The following FLYWCH1 variants were observed in gnomAD, a reference collection of about 807,000 sequenced individuals.
FLYWCH1 encodes the protein FLYWCH-type zinc finger-containing protein 1.
In FLYWCH1, 75 loss-of-function variants were observed where a neutral mutation model predicts 66.4. The observed-to-expected ratio is 1.13, with a 90% confidence interval of 0.94 to 1.37. The LOEUF is 1.37. FLYWCH1 is among the 40% of genes most tolerant of loss of function. The probability of loss-of-function intolerance (pLI) is 0.00; values close to 1 mark genes in which losing one functional copy is unlikely to be tolerated. For synonymous variants in FLYWCH1, 595 were observed against 429.9 expected, an observed-to-expected ratio of 1.38 and a Z score of -4.75; for missense variants, 1,334 against 1,001.8, an observed-to-expected ratio of 1.33 and a Z score of -4.48.
intron 4 of FLYWCH1, among the ~76,000 whole-genome samples, chr16:2,932,820 T>C (rs1234847798): frequency 6.6e-6 from 1 of 151,912 alleles, no homozygotes; most frequent in Non-Finnish European, 1.5e-5. Context: ...TGAGCAGGCC[T>C]GAGCTGGGGT....
rs370131723 is a variant in FLYWCH1, at chr16:2,933,457, G to A, written c.1124G>A (p.Arg375His). The A allele has an allele frequency of 8.4e-5, 134 of 1,601,514 alleles. No homozygotes were observed. The highest frequency in any genetic ancestry group is 4.4e-4 in the South Asian group (39 of 89,238). ...LLRGVDSLLY[R>H]RGPGPLTLTR... is the part of the protein sequence containing the mutation. ...CGAGGCGTGGATAGTTTGCTCTACC[G>A]CAGGGGTCCGGGTCCCCTGACTCTC... Residue 375 changes from arginine (R) to histidine (H), a missense_variant, in exon 5 of 10, where the codon CGC (arginine) becomes CAC (histidine). Physicochemically the swap from Arg to His is conservative, Grantham distance 29. Transcript: ENST00000253928.
At chr16:2,943,813 C>A (rs9929071) in intron 9 of FLYWCH1, among the ~76,000 whole-genome samples, 2 of 151,898 alleles carry the variant, frequency 1.3e-5, no homozygotes, top group South Asian at 2.1e-4. Flanking sequence ...GGCGAGCACC[C>A]GTAATCCCAG....
chr16:2,930,946 C>T (rs1011662540), intron 4 of FLYWCH1, 66 bp downstream of exon 4: 38 of 1,264,680 alleles, frequency 3.0e-5, no homozygotes, highest in Non-Finnish European at 1.5e-5. Flanking sequence ...CTTCCTCAGC[C>T]CAAATAGAAA....
At chr16:2,947,454 A>G (rs138312271) in intron 9 of FLYWCH1, among the ~76,000 whole-genome samples, 2 of 152,298 alleles carry the variant, frequency 1.3e-5, no homozygotes, top group African/African-American at 4.8e-5. Flanking sequence ...ATAGCTCAGT[A>G]GAGCTCTTAA....
intron 6 of FLYWCH1, chr16:2,934,785 G>A (rs1325229928): frequency 3.4e-5 from 13 of 381,480 alleles, no homozygotes; most frequent in African/African-American, 1.5e-4. Context: ...CCTCACCCCC[G>A]CTCCTGACCC....
intron 2 of FLYWCH1, among the ~76,000 whole-genome samples, chr16:2,918,104 G>T (rs1327278284): frequency 6.7e-6 from 1 of 150,058 alleles, no homozygotes; most frequent in South Asian, 2.1e-4. Context: ...CTCCCAAAGT[G>T]CTGGAATTAG....
At chr16:2,931,667 T>C (rs2070765742) in intron 4 of FLYWCH1, among the ~76,000 whole-genome samples, 1 of 151,982 alleles carries the variant, frequency 6.6e-6, no homozygotes, top group Non-Finnish European at 1.5e-5. Flanking sequence ...TAGTGTCCAT[T>C]AAGTTCAGGA....
In FLYWCH1 at chr16:2,924,340, A is replaced by T. The variant is rs190971543; in HGVS notation, c.-73-5273A>T. Among the ~76,000 whole-genome samples the T allele has an allele frequency of 2.9e-3, 435 of 152,094 alleles. 3 individuals carry two copies. The highest frequency in any genetic ancestry group is 0.01 in the African/African-American group (421 of 41,522). On this transcript the variant is annotated intron_variant, in intron 2 of 9. Coordinates refer to ENST00000253928, the MANE Select transcript of FLYWCH1 (RefSeq NM_001308068.2). ...AGCGAGACTCCATCTCAAAAAAAAA[A>T]AAAAAGTAAAAAGCCAGAACCCACT... is the stretch of plus-strand genomic sequence containing the variant.
chr16:2,944,261 G>A (rs927661143), intron 9 of FLYWCH1, among the ~76,000 whole-genome samples: 7 of 151,406 alleles, frequency 4.6e-5, no homozygotes, highest in South Asian at 2.1e-4. Context: ...CAGGTACAGC[G>A]CACCTGTAAT....
rs370269332 is a variant in FLYWCH1, at chr16:2,944,115, G to A, written c.2111+4023G>A. Among the ~76,000 whole-genome samples, 66 of 152,088 alleles carry A rather than the reference G, an allele frequency of 4.3e-4. No individual in the cohort carries two copies. In the Middle Eastern group the frequency reaches 0.01, roughly 24 times the overall value. On this transcript the variant is annotated intron_variant, in intron 9 of 9. Coordinates refer to ENST00000253928, the MANE Select transcript of FLYWCH1 (RefSeq NM_001308068.2). ...TGTCTCAGAAATAAAAGTAGAGCAC[G>A]ACAGCTCCCACCTGTCATCCCAGCA...
chr16:2,942,407 C>G (rs1463650104), intron 9 of FLYWCH1, among the ~76,000 whole-genome samples: 1 of 152,122 alleles, frequency 6.6e-6, no homozygotes, highest in African/African-American at 2.4e-5. Flanking sequence ...CTTGGCCTCC[C>G]AAAGTGCTGG....
At position 2,930,922 on chromosome 16, in the gene FLYWCH1, G is replaced by A; in HGVS notation, c.796+42G>A. 4 of 1,456,238 alleles carry A rather than the reference G, an allele frequency of 2.7e-6. No homozygotes were observed. In the South Asian group the frequency reaches 3.8e-5, roughly 14 times the overall value. The allele number at this position is 1,456,238 out of a possible 1,614,324, so 90.2% of individuals were successfully genotyped here. Reference sequence around the variant, plus strand: ...CCCCTGCTGCGTCCACTCGGGGCAGGGGACCCGAGGGCCCTTCCTCAGCCC... The same window carrying A: ...CCCCTGCTGCGTCCACTCGGGGCAGAGGACCCGAGGGCCCTTCCTCAGCCC... On this transcript the variant is annotated intron_variant, in intron 4 of 9. Transcript: ENST00000253928.
chr16:2,927,308 C>T (rs894320664), intron 2 of FLYWCH1, among the ~76,000 whole-genome samples: 1 of 152,168 alleles, frequency 6.6e-6, no homozygotes, highest in Non-Finnish European at 1.5e-5. Flanking sequence ...CGTGGCAGTT[C>T]CTGGTAATTT....
chr16:2,946,295 G>C (rs1465096565), intron 9 of FLYWCH1, among the ~76,000 whole-genome samples: 1 of 144,580 alleles, frequency 6.9e-6, no homozygotes, highest in African/African-American at 2.6e-5. Flanking sequence ...CATAATTCAT[G>C]CCCTGTATAG....
chr16:2,932,519 T>C (rs572816247), intron 4 of FLYWCH1, among the ~76,000 whole-genome samples: 1 of 152,098 alleles, frequency 6.6e-6, no homozygotes, highest in East Asian at 1.9e-4. Flanking sequence ...AACTGGGACA[T>C]GGGCTTGGGT....
intron 6 of FLYWCH1, chr16:2,935,985 C>G: frequency 5.7e-6 from 1 of 176,280 alleles, no homozygotes; most frequent in Non-Finnish European, 1.2e-5. Flanking sequence ...TCTTGGCTCA[C>G]TGCAACCTCT....
chr16:2,936,438 C>T, intron 6 of FLYWCH1: 1 of 453,406 alleles, frequency 2.2e-6, no homozygotes, highest in South Asian at 1.6e-5. Flanking sequence ...AGTTCCACAG[C>T]CAGACACCCT....
chr16:2,932,652 C>T (rs779515233), intron 4 of FLYWCH1, among the ~76,000 whole-genome samples: 3 of 152,068 alleles, frequency 2.0e-5, no homozygotes, highest in African/African-American at 7.2e-5. Context: ...GTGATCTTTT[C>T]GAACCATTTG....
At chr16:2,948,510 C>T (rs955377595) in intron 9 of FLYWCH1, among the ~76,000 whole-genome samples, 178 bp from the exon 10 acceptor site, 14 of 152,082 alleles carry the variant, frequency 9.2e-5, no homozygotes, top group African/African-American at 3.4e-4. Flanking sequence ...GTGCAGTGAG[C>T]CGAGATCGCA....
Sources: gnomAD v4.1 joint callset for allele counts (sites outside exome capture counted in the v4.1 genomes callset) on GRCh38, gnomAD v4.1.1 for gene constraint, MANE v1.5 for transcripts, NCBI Gene and HGNC (gene_info 2026-07-23, HGNC 2026-07-21) for gene names.